Variants in RAB6B observed in about 807,000 individuals in gnomAD.
RAB6B encodes the protein ras-related protein Rab-6B.
RAB6B carries 7 observed loss-of-function variants against 31.2 expected under a neutral mutation model. The ratio of observed to expected loss-of-function variants is 0.22; its 90% confidence interval spans 0.13 to 0.42. The LOEUF is 0.42. Ranked by LOEUF, RAB6B falls within the 10% of genes least tolerant of loss-of-function variation. RAB6B has a pLI of 1.00. For missense variants in RAB6B, 149 were observed against 280.6 expected (o/e 0.53, Z 3.35); for synonymous variants, 105 against 104.9 (o/e 1.00, Z -0.01).
chr3:133,856,308 A>C (rs1936075524), intron 2 of RAB6B, among the ~76,000 whole-genome samples: 1 of 151,872 alleles, frequency 6.6e-6, no homozygotes, highest in African/African-American at 2.4e-5. Context: ...TGGTTGGCAC[A>C]CTGAGTGGTG....
intron 5 of RAB6B, 53 bp from the exon 6 acceptor site, chr3:133,838,312 C>T (rs1935772361): frequency 1.3e-6 from 2 of 1,542,008 alleles, no homozygotes; most frequent in African/African-American, 2.7e-5. Context: ...CAGACCCTGG[C>T]AGATATGAGG....
intron 2 of RAB6B, among the ~76,000 whole-genome samples, chr3:133,853,766 C>T (rs1213869022): frequency 6.6e-6 from 1 of 152,150 alleles, no homozygotes; most frequent in Admixed American, 6.5e-5. Flanking sequence ...TGAAAAGTCA[C>T]AGCTTCCTTT....
At chr3:133,842,273 C>G (rs866457008) in intron 2 of RAB6B, among the ~76,000 whole-genome samples, 88 of 152,350 alleles carry the variant, frequency 5.8e-4, no homozygotes, top group Middle Eastern at 6.8e-3. Flanking sequence ...ACCAGCTCCC[C>G]TGTGCCACAC....
intron 4 of RAB6B, 127 bp downstream of exon 4, chr3:133,841,158 A>T (rs1239666558): frequency 5.0e-6 from 4 of 804,494 alleles, no homozygotes; most frequent in Non-Finnish European, 8.0e-6. Context: ...TTCAGGGAGC[A>T]ATCGCACACA....
intron 1 of RAB6B, among the ~76,000 whole-genome samples, chr3:133,878,477 T>C (rs113674882): frequency 0.095 from 14,408 of 152,102 alleles, 1,260 homozygotes; most frequent in African/African-American, 0.24. Context: ...AAAGACTTTT[T>C]CAAACATACA....
At chr3:133,893,988 G>C (rs1936671853) in intron 1 of RAB6B, among the ~76,000 whole-genome samples, 1 of 152,122 alleles carries the variant, frequency 6.6e-6, no homozygotes, top group African/African-American at 2.4e-5. Context: ...CTCCATACTG[G>C]GCCTGGACAC....
chr3:133,886,501 C>A (rs541668210), intron 1 of RAB6B, among the ~76,000 whole-genome samples: 2 of 152,244 alleles, frequency 1.3e-5, no homozygotes, highest in Non-Finnish European at 2.9e-5. Context: ...TTTGGTGGCC[C>A]CAGAGGAGCA....
Position 133,865,475 on chromosome 3 carries a change from G to A in RAB6B, c.71-833C>T, listed in dbSNP as rs138174335. On this transcript the variant is annotated intron_variant, in intron 1 of 7. Transcript: ENST00000285208. ...GGCAGTGACAGAAATGCCAACTGCT[G>A]CATTTCTAACCATCTGGGGTGGGGG... Among the ~76,000 whole-genome samples the A allele has an allele frequency of 2.2e-4, 33 of 152,354 alleles. No homozygotes were observed. In the East Asian group the frequency reaches 6.2e-3, roughly 29 times the overall value.
intron 2 of RAB6B, among the ~76,000 whole-genome samples, chr3:133,854,688 T>C (rs1430218976): frequency 6.6e-6 from 1 of 152,244 alleles, no homozygotes; most frequent in Non-Finnish European, 1.5e-5. Flanking sequence ...GAATCCACAT[T>C]TATCTTCTTC....
chr3:133,858,276 C>T (rs1330271504), intron 2 of RAB6B, among the ~76,000 whole-genome samples: 1 of 152,198 alleles, frequency 6.6e-6, no homozygotes, highest in Non-Finnish European at 1.5e-5. Flanking sequence ...GAAGAAATGA[C>T]TATAATTATA....
intron 1 of RAB6B, among the ~76,000 whole-genome samples, chr3:133,884,389 C>T (rs944881224): frequency 6.6e-6 from 1 of 152,250 alleles, no homozygotes; most frequent in Non-Finnish European, 1.5e-5. Context: ...TCTGCCTCTA[C>T]TCTGGCCCCT....
intron 1 of RAB6B, among the ~76,000 whole-genome samples, chr3:133,889,416 A>T (rs1217923615): frequency 1.4e-4 from 8 of 58,246 alleles, no homozygotes; most frequent in Non-Finnish European, 2.1e-4. Flanking sequence ...ATATATATAT[A>T]TATATATATA....
chr3:133,894,720 A>G (rs1936683165), intron 1 of RAB6B: 1 of 152,124 alleles, frequency 6.6e-6, no homozygotes, highest in Non-Finnish European at 1.5e-5. Context: ...GGAGACTAAC[A>G]AGCGCCGGCG....
rs759980284 is a variant in RAB6B at position 133,828,779 on chromosome 3, G to A, written c.*9C>T. On this transcript the variant is annotated 3_prime_UTR_variant, in exon 8 of 8. Transcript: ENST00000285208. ...GGAGTGTCATGGGAAGCCACAGGTC[G>A]GCTCTGCATTAGCAGGAGCAGCCGC... 1.7e-5 allele frequency: 27 copies of A among 1,603,662 alleles called. No homozygotes were observed. The highest frequency in any genetic ancestry group is 1.1e-4 in the East Asian group (5 of 44,820).
intron 6 of RAB6B, among the ~76,000 whole-genome samples, chr3:133,837,077 C>T (rs1194185241): frequency 6.6e-6 from 1 of 152,052 alleles, no homozygotes; most frequent in African/African-American, 2.4e-5. Flanking sequence ...GAGTCCCCTC[C>T]CCATACCTCG....
intron 2 of RAB6B, among the ~76,000 whole-genome samples, chr3:133,848,230 C>A (rs564337639): frequency 6.6e-6 from 1 of 152,218 alleles, no homozygotes; most frequent in Admixed American, 6.5e-5. Context: ...AGCCTGAAAG[C>A]CCTCCTGAGT....
At chr3:133,873,623 C>T (rs910805713) in intron 1 of RAB6B, among the ~76,000 whole-genome samples, 11 of 152,174 alleles carry the variant, frequency 7.2e-5, no homozygotes, top group Non-Finnish European at 7.3e-5. Context: ...TCTCTTCCTG[C>T]CTCTACCCCA....
At chr3:133,838,694 G>C (rs1179372177) in intron 5 of RAB6B, among the ~76,000 whole-genome samples, 1 of 152,204 alleles carries the variant, frequency 6.6e-6, no homozygotes, top group Non-Finnish European at 1.5e-5. Context: ...TTAGCAGAGA[G>C]GGCTCCATGA....
chr3:133,856,313 G>A (rs969169383), intron 2 of RAB6B, among the ~76,000 whole-genome samples: 1 of 152,080 alleles, frequency 6.6e-6, no homozygotes, highest in Non-Finnish European at 1.5e-5. Flanking sequence ...GGCACACTGA[G>A]TGGTGGTACA....
Sources: allele counts gnomAD v4.1 joint callset (sites outside exome capture counted in the v4.1 genomes callset), GRCh38; gene constraint gnomAD v4.1.1; transcripts MANE v1.5; gene names NCBI Gene and HGNC (gene_info 2026-07-23, HGNC 2026-07-21).